The following COL4A6 variants were observed in gnomAD, a reference collection of about 807,000 sequenced individuals.
The protein encoded by COL4A6 is collagen type IV alpha 6 chain.
COL4A6 carries 59 observed loss-of-function variants against 126.7 expected under a neutral mutation model. The observed-to-expected ratio is 0.47, with a 90% CI of 0.38 to 0.58. The LOEUF is 0.58. Ranked by LOEUF, COL4A6 falls within the 20% of genes least tolerant of loss-of-function variation. The probability of loss-of-function intolerance (pLI) is 0.00; values close to 1 mark genes in which losing one functional copy is unlikely to be tolerated. For synonymous variants in COL4A6, 547 were observed against 496.6 expected (o/e 1.10, Z -1.35); for missense variants, 1,285 against 1,337.3 (o/e 0.96, Z 0.61).
At chrX:108,407,797 C>T (rs1321389192) in intron 2 of COL4A6, among the ~76,000 whole-genome samples, 1 of 112,426 alleles carries the variant, frequency 8.9e-6, no homozygotes, top group Non-Finnish European at 1.9e-5. Context: ...AATTTTCCTG[C>T]TGTATGATTT....
At chrX:108,226,291 T>C (rs2036163818) in intron 3 of COL4A6, among the ~76,000 whole-genome samples, 1 of 112,377 alleles carries the variant, frequency 8.9e-6, no homozygotes, top group Non-Finnish European at 1.9e-5. Context: ...GAGTTTAGGA[T>C]TGGGCACCAA....
rs527751294 is a variant in COL4A6 at position 108,353,187 on chromosome X, A to T, written c.64-42359T>A. On this transcript the variant is annotated intron_variant, in intron 2 of 44. Coordinates refer to ENST00000334504, the MANE Select transcript of COL4A6 (RefSeq NM_033641.4). The stretch of plus-strand genomic sequence containing the variant: ...GGGTTCTACTCCTAGAAGCAGTGAC[A>T]AGCCAGGTCTTCTCAGAAAATCCTT... Among the ~76,000 whole-genome samples, 86 of 112,157 alleles carry T rather than the reference A, an allele frequency of 7.7e-4. 2 individuals are homozygous for T. The South Asian group carries it at 0.03, about 40-fold the overall frequency.
intron 2 of COL4A6, among the ~76,000 whole-genome samples, chrX:108,359,293 C>A (rs2040028740): frequency 8.9e-6 from 1 of 112,399 alleles, no homozygotes; most frequent in Non-Finnish European, 1.9e-5. Flanking sequence ...AAGTAAATTA[C>A]CGAAGGCCAC....
chrX:108,180,481 A>C, intron 25 of COL4A6, 34 bp downstream of exon 25: 1 of 1,098,526 alleles, frequency 9.1e-7, no homozygotes, highest in Non-Finnish European at 1.3e-6. Context: ...ATACACACAA[A>C]GAGAAGCAGG....
Position 108,315,548 on chromosome X carries a change from AG to A in COL4A6, c.64-4721del, listed in dbSNP as rs750677208. The stretch of plus-strand genomic sequence containing the variant: ...TATTTAGCAATTAGGGTTAAAGGTT[AG>A]GGTTTGCTAAACCATAACCCTAAAT... On this transcript the variant is annotated intron_variant, in intron 2 of 44. Coordinates refer to ENST00000334504, the MANE Select transcript of COL4A6 (RefSeq NM_033641.4). Among the ~76,000 whole-genome samples, 16 of 112,434 alleles carry A rather than the reference AG, an allele frequency of 1.4e-4. No homozygotes were observed. The East Asian group carries it at 4.2e-3, about 29-fold the overall frequency.
chrX:108,397,812 T>A (rs1457399447), intron 2 of COL4A6, among the ~76,000 whole-genome samples: 2 of 111,787 alleles, frequency 1.8e-5, no homozygotes, highest in African/African-American at 6.5e-5. Flanking sequence ...TGCAAACACA[T>A]CTTTCTATAG....
chrX:108,256,051 T>TTGAAAAAAGAAGAATTATATAG (rs2036995128), intron 3 of COL4A6, among the ~76,000 whole-genome samples: 4 of 111,084 alleles, frequency 3.6e-5, no homozygotes, highest in Admixed American at 2.9e-4. Flanking sequence ...GTTTCCTTAT[T>TTGAAAAAAGAAGAATTATATAG]TGAAAAAAGA....
chrX:108,244,192 G>A (rs2036654508), intron 3 of COL4A6, among the ~76,000 whole-genome samples: 1 of 108,675 alleles, frequency 9.2e-6, no homozygotes, highest in African/African-American at 3.4e-5. Context: ...AAGCAAGGCT[G>A]GGCTGCCATA....
intron 3 of COL4A6, among the ~76,000 whole-genome samples, chrX:108,306,907 G>A (rs1318124413): frequency 9.0e-6 from 1 of 110,998 alleles, no homozygotes; most frequent in Non-Finnish European, 1.9e-5. Context: ...CCAGAACAAT[G>A]TTACAACAGG....
intron 40 of COL4A6, among the ~76,000 whole-genome samples, chrX:108,164,141 A>G (rs966590671): frequency 3.6e-5 from 4 of 111,807 alleles, no homozygotes; most frequent in African/African-American, 9.8e-5. Context: ...CATGAGAACT[A>G]TTGGTGGCTT....
chrX:108,228,588 G>T (rs2036229275), intron 3 of COL4A6, among the ~76,000 whole-genome samples: 1 of 112,439 alleles, frequency 8.9e-6, no homozygotes, highest in African/African-American at 3.2e-5. Flanking sequence ...TGGCTGGAGA[G>T]GCCTCAGGAA....
At chrX:108,329,122 G>A (rs2039232733) in intron 2 of COL4A6, among the ~76,000 whole-genome samples, 1 of 111,515 alleles carries the variant, frequency 9.0e-6, no homozygotes, top group Non-Finnish European at 1.9e-5. Flanking sequence ...GTTATAGTTA[G>A]AGAGGAGGAA....
intron 43 of COL4A6, 159 bp from the exon 44 acceptor site, chrX:108,159,907 A>C (rs2033866756): frequency 3.5e-6 from 2 of 568,233 alleles, no homozygotes; most frequent in Admixed American, 5.3e-5. Flanking sequence ...TGTTGAGCAA[A>C]TTCTATTTTA....
At chrX:108,319,709 G>A (rs2038977675) in intron 2 of COL4A6, among the ~76,000 whole-genome samples, 1 of 112,447 alleles carries the variant, frequency 8.9e-6, no homozygotes, top group African/African-American at 3.2e-5. Flanking sequence ...GTTCAATACA[G>A]AGTGGGAAGT....
In COL4A6 at chrX:108,331,000, G is replaced by A. The variant is rs140623021; in HGVS notation, c.64-20172C>T. 1.1e-3 allele frequency among the ~76,000 whole-genome samples: 119 copies of A among 111,876 alleles called. 4 individuals carry two copies. In the East Asian group the frequency reaches 0.032, roughly 30 times the overall value. The stretch of plus-strand genomic sequence containing the variant: ...ATAAATTTCCCACTTGCAGATAAAT[G>A]TCTGAGTGTCCTTAGTTATCATCAT... On this transcript the variant is annotated intron_variant, in intron 2 of 44. Transcript: ENST00000334504.
Position 108,161,728 on chromosome X carries a change from T to C in COL4A6, c.4224A>G (p.Lys1408=), listed in dbSNP as rs757880489. 8.4e-6 allele frequency: 10 copies of C among 1,187,667 alleles called. No individual in the cohort carries two copies. In the African/African-American group the frequency reaches 1.6e-4, roughly 19 times the overall value. The change falls in exon 42 of 45, where the codon AAA becomes AAG. Residue 1408 remains lysine (K), a synonymous_variant. Coordinates refer to ENST00000334504, the MANE Select transcript of COL4A6 (RefSeq NM_033641.4). ...AQGPVGLQGS[K]GLPGIPGKDG... ...CTTTACCGGGGATGCCAGGTAAACC[T>C]TTGGAGCCTGCAGGAGAGAAAGCCC...
In COL4A6 at chrX:108,175,115, T is replaced by A. The variant is rs2034437817; in HGVS notation, c.2931A>T (p.Gly977=). 2 of 1,200,424 alleles carry A rather than the reference T, an allele frequency of 1.7e-6. No homozygotes were observed. The highest frequency in any genetic ancestry group is 1.1e-6 in the Non-Finnish European group (1 of 890,088). ...KGDKGSQGSA[G]SNGFPGPRGD... is the part of the protein sequence containing the mutation. ...CTCTTGGCCCAGGAAATCCATTGGA[T>A]CCGGCTGAGCCTTGAGAGCCTTTGT... is the stretch of plus-strand genomic sequence containing the variant. The change falls in exon 30 of 45, where the codon GGA becomes GGT. Residue 977 remains glycine (G), a synonymous_variant. Coordinates refer to ENST00000334504, the MANE Select transcript of COL4A6 (RefSeq NM_033641.4).
intron 3 of COL4A6, among the ~76,000 whole-genome samples, chrX:108,229,081 T>C (rs1352119289): frequency 8.9e-6 from 1 of 111,877 alleles, no homozygotes; most frequent in Non-Finnish European, 1.9e-5. Context: ...AGAGGTGAGA[T>C]CACAGAGAAT....
chrX:108,406,220 C>T (rs1346302897), intron 2 of COL4A6, among the ~76,000 whole-genome samples: 1 of 111,967 alleles, frequency 8.9e-6, no homozygotes, highest in African/African-American at 3.2e-5. Flanking sequence ...ATCTTCCCAA[C>T]TTGGACTCCC....
Sources: gnomAD v4.1 joint callset for allele counts (sites outside exome capture counted in the v4.1 genomes callset) on GRCh38, gnomAD v4.1.1 for gene constraint, MANE v1.5 for transcripts, NCBI Gene and HGNC (gene_info 2026-07-23, HGNC 2026-07-21) for gene names.